The following CEP112 variants were observed in gnomAD, a reference collection of about 807,000 sequenced individuals.
CEP112 encodes centrosomal protein of 112 kDa.
Under a neutral mutation model 153.0 loss-of-function variants are expected in CEP112, and 127 were observed. The ratio of observed to expected loss-of-function variants is 0.83; its 90% confidence interval spans 0.72 to 0.96. The LOEUF is 0.96. Among genes scored for constraint, CEP112 ranks in the 40% least tolerant of loss-of-function variants. CEP112 has a pLI of 0.00. For synonymous variants in CEP112, 358 were observed against 374.4 expected (o/e 0.96, Z 0.51); for missense variants, 1,089 against 1,101.2 (o/e 0.99, Z 0.16).
intron 22 of CEP112, among the ~76,000 whole-genome samples, chr17:65,747,076 AAACAGGATCCTAAATAGG>A (rs2051519749): frequency 6.6e-6 from 1 of 152,156 alleles, no homozygotes; most frequent in African/African-American, 2.4e-5. Flanking sequence ...AAAAAAACAA[AAACAGGATCCTAAATAGG>A]GGTTAGGATT....
rs774369999 is a variant in CEP112 at position 66,176,967 on chromosome 17, CT to C, written c.159del (p.Gly54ValfsTer4). On this transcript the variant is annotated frameshift_variant, in exon 3 of 27. Coordinates refer to ENST00000535342, the MANE Select transcript of CEP112 (RefSeq NM_001199165.4). LOFTEE classifies it high-confidence loss of function. ...TTCTTCCTCCCCATTATTCCTGCACCTGTTCCTGAAGGTTCGCACAGCTTTC... is the reference window on the plus strand; with the variant it reads ...TTCTTCCTCCCCATTATTCCTGCACCGTTCCTGAAGGTTCGCACAGCTTTC... Reference protein sequence around the residue: ...WIRKLCEPSGTGAGIMGRKNR... With the variant: ...WIRKLCEPSGXGAGIMGRKNR... 1.2e-6 allele frequency: 2 copies of C among 1,613,838 alleles called. No homozygotes were observed. Among genetic ancestry groups the C allele is most frequent in the Non-Finnish European group, 1.7e-6 (2 of 1,179,840 alleles).
At chr17:66,171,695 T>C (rs1203387411) in intron 4 of CEP112, among the ~76,000 whole-genome samples, 5 of 152,254 alleles carry the variant, frequency 3.3e-5, no homozygotes, top group African/African-American at 4.8e-5. Context: ...ATGTTAGTTT[T>C]ATTTTTAAAT....
chr17:66,144,061 C>A (rs2070821087), intron 4 of CEP112, among the ~76,000 whole-genome samples: 1 of 152,140 alleles, frequency 6.6e-6, no homozygotes, highest in Non-Finnish European at 1.5e-5. Flanking sequence ...AGAAGCCACA[C>A]CATGGAAGAC....
intron 23 of CEP112, among the ~76,000 whole-genome samples, chr17:65,733,746 C>T (rs1052447188): frequency 1.3e-5 from 2 of 152,174 alleles, no homozygotes; most frequent in African/African-American, 4.8e-5. Flanking sequence ...GAACATCATT[C>T]ATTTATTCTG....
At chr17:66,181,078 C>T (rs2072699838) in intron 2 of CEP112, among the ~76,000 whole-genome samples, 1 of 152,054 alleles carries the variant, frequency 6.6e-6, no homozygotes, top group Admixed American at 6.5e-5. Context: ...CCATAGCAAA[C>T]TGAAATCTAT....
At chr17:66,076,352 C>T (rs1033646974) in intron 8 of CEP112, among the ~76,000 whole-genome samples, 1 of 152,074 alleles carries the variant, frequency 6.6e-6, no homozygotes, top group African/African-American at 2.4e-5. Flanking sequence ...GAAATAGACT[C>T]GGGGCTGCTA....
At chr17:65,969,343 A>T (rs1402068458) in intron 17 of CEP112, among the ~76,000 whole-genome samples, 3 of 152,158 alleles carry the variant, frequency 2.0e-5, no homozygotes, top group Non-Finnish European at 4.4e-5. Context: ...TGTTAAGATC[A>T]TTATGAAAAA....
chr17:65,713,844 T>C (rs1377285096), intron 23 of CEP112, among the ~76,000 whole-genome samples: 1 of 152,112 alleles, frequency 6.6e-6, no homozygotes, highest in Non-Finnish European at 1.5e-5. Context: ...CGCCTCGGCC[T>C]CCCAAAGTGC....
intron 17 of CEP112, among the ~76,000 whole-genome samples, chr17:65,971,395 C>A (rs1025361929): frequency 1.6e-5 from 1 of 62,628 alleles, no homozygotes; most frequent in Admixed American, 2.5e-4. Flanking sequence ...ATGTATATAG[C>A]ATGTATATTG....
chr17:66,101,044 T>C (rs903879442), intron 6 of CEP112, among the ~76,000 whole-genome samples: 1 of 152,100 alleles, frequency 6.6e-6, no homozygotes, highest in African/African-American at 2.4e-5. Flanking sequence ...GTACAATATA[T>C]TGAATAAAAT....
intron 24 of CEP112, among the ~76,000 whole-genome samples, chr17:65,662,714 A>G (rs888960824): frequency 1.3e-5 from 2 of 152,154 alleles, no homozygotes; most frequent in African/African-American, 4.8e-5. Flanking sequence ...GAAAAAATTC[A>G]CGATTTACAA....
intron 17 of CEP112, among the ~76,000 whole-genome samples, chr17:65,988,727 G>A (rs1439559235): frequency 2.1e-5 from 2 of 94,800 alleles, no homozygotes; most frequent in Non-Finnish European, 4.6e-5. Context: ...CACATTGAGA[G>A]GAGAAAAAAG....
intron 20 of CEP112, among the ~76,000 whole-genome samples, chr17:65,875,182 A>G (rs1197874931): frequency 6.6e-6 from 1 of 151,708 alleles, no homozygotes; most frequent in Admixed American, 6.6e-5. Context: ...ATGATGAATT[A>G]TTTAGTCAGA....
At chr17:66,035,486 A>G (rs2065699020) in intron 12 of CEP112, among the ~76,000 whole-genome samples, 1 of 152,152 alleles carries the variant, frequency 6.6e-6, no homozygotes, top group African/African-American at 2.4e-5. Context: ...ACCCTTGTGC[A>G]CTGCTGGTGA....
At chr17:65,897,236 G>C (rs1011748049) in intron 20 of CEP112, among the ~76,000 whole-genome samples, 1 of 152,084 alleles carries the variant, frequency 6.6e-6, no homozygotes, top group African/African-American at 2.4e-5. Flanking sequence ...CAAGCAATCA[G>C]TCCAGTTTGA....
intron 12 of CEP112, among the ~76,000 whole-genome samples, chr17:66,037,122 C>T (rs1456798185): frequency 6.6e-6 from 1 of 151,982 alleles, no homozygotes; most frequent in Non-Finnish European, 1.5e-5. Flanking sequence ...AGGAACAGAC[C>T]AGTAGAAATA....
intron 12 of CEP112, among the ~76,000 whole-genome samples, chr17:66,052,036 T>C (rs1194414207): frequency 6.6e-6 from 1 of 152,230 alleles, no homozygotes; most frequent in African/African-American, 2.4e-5. Context: ...GCCTATTTTA[T>C]AATGAAGTAT....
chr17:65,763,265 A>G (rs1716378442), intron 21 of CEP112, among the ~76,000 whole-genome samples: 1 of 151,932 alleles, frequency 6.6e-6, no homozygotes, highest in Non-Finnish European at 1.5e-5. Context: ...TGCATTTTGA[A>G]TATGGTATGC....
chr17:66,186,501 G>A (rs1368206043), intron 1 of CEP112, among the ~76,000 whole-genome samples: 2 of 152,080 alleles, frequency 1.3e-5, no homozygotes, highest in Non-Finnish European at 2.9e-5. Context: ...GTGTTAGCCA[G>A]GCTGGTCTTG....
Sources: gnomAD v4.1 joint callset for allele counts (sites outside exome capture counted in the v4.1 genomes callset) on GRCh38, gnomAD v4.1.1 for gene constraint, MANE v1.5 for transcripts, NCBI Gene and HGNC (gene_info 2026-07-23, HGNC 2026-07-21) for gene names.